The following PDE1C variants were observed in gnomAD, a reference collection of about 807,000 sequenced individuals.
PDE1C encodes phosphodiesterase 1C.
Under a neutral mutation model 93.1 loss-of-function variants are expected in PDE1C, and 62 were observed. That is an observed-to-expected ratio of 0.67 (90% confidence interval 0.54 to 0.82). PDE1C has a LOEUF of 0.82. Among genes scored for constraint, PDE1C ranks in the 40% least tolerant of loss-of-function variants. PDE1C has a pLI of 0.00. For synonymous variants in PDE1C, 325 were observed against 310.1 expected, an observed-to-expected ratio of 1.05 and a Z score of -0.50; for missense variants, 742 against 884.6, an observed-to-expected ratio of 0.84 and a Z score of 2.04.
At chr7:31,799,035 G>A (rs1009523009) in intron 16 of PDE1C, among the ~76,000 whole-genome samples, 3 of 151,608 alleles carry the variant, frequency 2.0e-5, no homozygotes, top group Non-Finnish European at 4.4e-5. Flanking sequence ...TCCTTGAGAT[G>A]AGAAAACTGG....
At chr7:32,210,071 G>C (rs1274407816) in intron 1 of PDE1C, among the ~76,000 whole-genome samples, 1 of 152,194 alleles carries the variant, frequency 6.6e-6, no homozygotes, top group African/African-American at 2.4e-5. Flanking sequence ...TTCATTAATA[G>C]AATTGTTCAG....
the PDE1C span, among the ~76,000 whole-genome samples, chr7:31,727,970 G>T: frequency 6.6e-6 from 1 of 152,112 alleles, no homozygotes; most frequent in African/African-American, 2.4e-5. Context: ...CTTGAACCTG[G>T]GAAGCAGAGG....
intron 1 of PDE1C, among the ~76,000 whole-genome samples, chr7:32,304,352 C>A (rs930944431): frequency 1.6e-4 from 24 of 152,158 alleles, no homozygotes; most frequent in African/African-American, 5.8e-4. Context: ...ACAGAGTAAG[C>A]CTTCGCTAAA....
intron 3 of PDE1C, among the ~76,000 whole-genome samples, chr7:32,137,510 A>G (rs1346384362): frequency 6.6e-6 from 1 of 152,202 alleles, no homozygotes; most frequent in Non-Finnish European, 1.5e-5. Context: ...AAAGCCCTAA[A>G]ATAAAATAAT....
intron 17 of PDE1C, among the ~76,000 whole-genome samples, chr7:31,770,326 T>C (rs1795403623): frequency 6.6e-6 from 1 of 152,206 alleles, no homozygotes; most frequent in Admixed American, 6.5e-5. Flanking sequence ...GATTCTCAAA[T>C]ATTTTCTCTC....
chr7:31,714,288 T>C, the PDE1C span, among the ~76,000 whole-genome samples: 1 of 152,046 alleles, frequency 6.6e-6, no homozygotes, highest in Non-Finnish European at 1.5e-5. Context: ...ATAACAAGAG[T>C]CACCTTTCCT....
chr7:32,371,274 A>C (rs11769316), intron 1 of PDE1C, among the ~76,000 whole-genome samples: 2,065 of 152,304 alleles, frequency 0.014, 32 homozygotes, highest in Middle Eastern at 0.041. Flanking sequence ...TCACTTCCTC[A>C]GGGAAACCTC....
intron 3 of PDE1C, among the ~76,000 whole-genome samples, chr7:32,082,549 T>C (rs568168711): frequency 1.3e-5 from 2 of 152,336 alleles, no homozygotes; most frequent in South Asian, 4.1e-4. Flanking sequence ...GACTGCCTCC[T>C]CAAGTGGGTC....
chr7:31,906,004 T>G (rs976547080), intron 2 of PDE1C, among the ~76,000 whole-genome samples: 1 of 152,156 alleles, frequency 6.6e-6, no homozygotes, highest in African/African-American at 2.4e-5. Context: ...CCCCCATGAT[T>G]GTAAGTTTCC....
chr7:31,944,640 C>T (rs940026778), intron 2 of PDE1C, among the ~76,000 whole-genome samples: 31 of 152,338 alleles, frequency 2.0e-4, no homozygotes, highest in African/African-American at 7.5e-4. Flanking sequence ...AATTTTAAAA[C>T]ACCATATATC....
At chr7:32,417,683 A>AG (rs1048148755) in intron 1 of PDE1C, among the ~76,000 whole-genome samples, 45 of 152,086 alleles carry the variant, frequency 3.0e-4, no homozygotes, top group African/African-American at 1.0e-3. Flanking sequence ...AAAAAAAAAA[A>AG]AAAAATCATA....
intron 3 of PDE1C, chr7:32,169,705 C>T: frequency 2.5e-6 from 3 of 1,210,706 alleles, no homozygotes; most frequent in Admixed American, 1.8e-5. Context: ...TTGCTGGCCA[C>T]ACTGACTATG....
intron 2 of PDE1C, among the ~76,000 whole-genome samples, chr7:32,031,127 T>G (rs573680454): frequency 6.6e-6 from 1 of 152,324 alleles, no homozygotes; most frequent in Admixed American, 6.5e-5. Flanking sequence ...TTCCAATCTA[T>G]GAATGTGGCT....
intron 1 of PDE1C, among the ~76,000 whole-genome samples, chr7:32,403,194 C>T (rs894479416): frequency 3.5e-5 from 1 of 28,876 alleles, no homozygotes; most frequent in Admixed American, 6.8e-4. Context: ...TGTTCTCTAA[C>T]AGGGCAACTA....
chr7:31,964,510 T>A (rs1054543186), intron 2 of PDE1C, among the ~76,000 whole-genome samples: 1 of 152,242 alleles, frequency 6.6e-6, no homozygotes, highest in South Asian at 2.1e-4. Flanking sequence ...TGCCTGCCTC[T>A]GTAGGCTCCA....
intron 1 of PDE1C, among the ~76,000 whole-genome samples, chr7:32,052,784 C>T (rs1186770208): frequency 6.6e-6 from 1 of 152,134 alleles, no homozygotes; most frequent in Admixed American, 6.5e-5. Flanking sequence ...AACACAGAAC[C>T]TACAGTGTGG....
At chr7:32,399,888 T>G (rs772481607) in intron 1 of PDE1C, among the ~76,000 whole-genome samples, 4 of 152,140 alleles carry the variant, frequency 2.6e-5, no homozygotes, top group Admixed American at 6.5e-5. Context: ...CAGGCCTGAC[T>G]TCATTTAACC....
At position 31,837,854 on chromosome 7, in the gene PDE1C, C is replaced by A. The variant is rs1791317004; in HGVS notation, c.1082+16G>T. ...ACACCTATACAAACAAAAACACAAG[C>A]CACAAGCACACTTACGCTTCTGGCT... On this transcript the variant is annotated intron_variant, in intron 10 of 17. Coordinates refer to ENST00000396191, the MANE Select transcript of PDE1C (RefSeq NM_001191057.4). The A allele has an allele frequency of 6.3e-6, 10 of 1,584,356 alleles. No homozygotes were observed. The highest frequency in any genetic ancestry group is 8.7e-6 in the Non-Finnish European group (10 of 1,153,088).
chr7:31,652,730 C>G, the PDE1C span: 1 of 1,613,930 alleles, frequency 6.2e-7, no homozygotes, highest in South Asian at 1.1e-5. Flanking sequence ...TGGAGAACAG[C>G]ACCAGGATGT....
Sources: allele counts gnomAD v4.1 joint callset (sites outside exome capture counted in the v4.1 genomes callset), GRCh38; gene constraint gnomAD v4.1.1; transcripts MANE v1.5; gene names NCBI Gene and HGNC (gene_info 2026-07-23, HGNC 2026-07-21).